RBFOX1: variants seen among roughly 807,000 people sequenced by gnomAD.
The protein encoded by RBFOX1 is RNA binding protein fox-1 homolog 1.
RBFOX1 carries 8 observed loss-of-function variants against 57.7 expected under a neutral mutation model. The ratio of observed to expected loss-of-function variants is 0.14; its 90% CI spans 0.08 to 0.25. RBFOX1 has a LOEUF of 0.25. Ranked by LOEUF, RBFOX1 falls within the 10% of genes least tolerant of loss-of-function variation. The probability of loss-of-function intolerance (pLI) is 1.00; values close to 1 mark genes in which losing one functional copy is unlikely to be tolerated. For synonymous variants in RBFOX1, 326 were observed against 222.4 expected (o/e 1.47, Z -4.15); for missense variants, 611 against 548.5 (o/e 1.11, Z -1.14).
chr16:6,102,609 C>T lies in RBFOX1; in HGVS notation c.-127+82617C>T, dbSNP rs2096327165. On this transcript the variant is annotated intron_variant, in intron 1 of 15. Transcript: ENST00000550418. The stretch of plus-strand genomic sequence containing the variant: ...CAGCTCACGCCACGTCTTCCCTCTC[C>T]CTCTCCTTTTATCTACCTCTCATTT... Among the ~76,000 whole-genome samples the T allele has an allele frequency of 1.3e-5, 2 of 152,146 alleles. 1 individual carries two copies. The highest frequency in any genetic ancestry group is 4.1e-4 in the South Asian group (2 of 4,824).
chr16:6,644,199 C>G (rs186202234), intron 2 of RBFOX1, among the ~76,000 whole-genome samples: 1 of 152,152 alleles, frequency 6.6e-6, no homozygotes, highest in East Asian at 1.9e-4. Context: ...TATTCAGTGA[C>G]TTGTCTTAAA....
intron 4 of RBFOX1, among the ~76,000 whole-genome samples, chr16:7,146,275 C>G (rs929092226): frequency 7.9e-5 from 12 of 152,302 alleles, no homozygotes; most frequent in African/African-American, 2.4e-4. Flanking sequence ...TTTCTAGTTT[C>G]TCTGCCACTA....
intron 3 of RBFOX1, among the ~76,000 whole-genome samples, chr16:6,991,845 C>G (rs1465101131): frequency 6.6e-6 from 1 of 152,102 alleles, no homozygotes; most frequent in Non-Finnish European, 1.5e-5. Context: ...CAGCCCACTT[C>G]TGAAATGTTA....
At chr16:7,556,515 G>T (rs148487379) in intron 5 of RBFOX1, among the ~76,000 whole-genome samples, 14 of 152,310 alleles carry the variant, frequency 9.2e-5, no homozygotes, top group African/African-American at 1.2e-4. Context: ...AAGCAACTCA[G>T]TATGAAACTT....
At chr16:6,146,035 G>C (rs1478382479) in intron 1 of RBFOX1, among the ~76,000 whole-genome samples, 2 of 152,182 alleles carry the variant, frequency 1.3e-5, no homozygotes, top group African/African-American at 4.8e-5. Flanking sequence ...TCTAAGGCCA[G>C]AGACAGCGTC....
At chr16:5,607,732 A>C (rs2047636478) in intron 3 of RBFOX1, among the ~76,000 whole-genome samples, 1 of 152,202 alleles carries the variant, frequency 6.6e-6, no homozygotes, top group Non-Finnish European at 1.5e-5. Context: ...ATCTGAGGTC[A>C]CTGCCTTTCC....
At chr16:5,779,680 A>C (rs1161913596) in intron 3 of RBFOX1, among the ~76,000 whole-genome samples, 3 of 152,078 alleles carry the variant, frequency 2.0e-5, no homozygotes, top group Admixed American at 6.6e-5. Flanking sequence ...CAAAGGAGTT[A>C]TTTTTATAGA....
At chr16:7,587,802 A>C (rs2094207756) in intron 7 of RBFOX1, among the ~76,000 whole-genome samples, 2 of 152,180 alleles carry the variant, frequency 1.3e-5, no homozygotes, top group African/African-American at 4.8e-5. Context: ...TTGTTTTTTC[A>C]AGGAAACCAA....
chr16:6,482,749 C>T (rs541126156), intron 2 of RBFOX1, among the ~76,000 whole-genome samples: 1 of 151,952 alleles, frequency 6.6e-6, no homozygotes, highest in South Asian at 2.1e-4. Flanking sequence ...GGGCGGGAGG[C>T]GAGATTGGGG....
At chr16:6,989,792 G>C (rs1417095165) in intron 3 of RBFOX1, among the ~76,000 whole-genome samples, 6 of 152,078 alleles carry the variant, frequency 3.9e-5, no homozygotes, top group Admixed American at 1.3e-4. Flanking sequence ...CTGAGGTCAG[G>C]ATTTCGAAAC....
At chr16:5,407,899 G>A (rs1385045486) in intron 1 of RBFOX1, among the ~76,000 whole-genome samples, 1 of 152,188 alleles carries the variant, frequency 6.6e-6, no homozygotes, top group Non-Finnish European at 1.5e-5. Flanking sequence ...TAAGCAGCTG[G>A]TGATGGGATT....
At chr16:7,287,351 A>G (rs1009555865) in intron 4 of RBFOX1, among the ~76,000 whole-genome samples, 1 of 152,182 alleles carries the variant, frequency 6.6e-6, no homozygotes, top group South Asian at 2.1e-4. Context: ...TTTGGTGACT[A>G]TAATTAGGAT....
Position 6,336,022 on chromosome 16 carries a change from C to A in RBFOX1, c.-64+18965C>A, listed in dbSNP as rs550571267. 1.5e-3 allele frequency among the ~76,000 whole-genome samples: 220 copies of A among 149,424 alleles called. 2 individuals carry two copies. Among genetic ancestry groups the A allele is most frequent in the African/African-American group, 4.9e-3 (199 of 41,022 alleles). Reference sequence around the variant, plus strand: ...TCAAGCCTCCATCTTTGACCTCAGTCTGTGACCTTGGCAGCTTCTTGACTC... The same window carrying A: ...TCAAGCCTCCATCTTTGACCTCAGTATGTGACCTTGGCAGCTTCTTGACTC... On this transcript the variant is annotated intron_variant, in intron 2 of 15. Transcript: ENST00000550418.
At chr16:6,988,704 A>ACT (rs2090828097) in intron 3 of RBFOX1, among the ~76,000 whole-genome samples, 1 of 147,960 alleles carries the variant, frequency 6.8e-6, no homozygotes, top group Non-Finnish European at 1.5e-5. Flanking sequence ...AGCTGGGATT[A>ACT]CAGGTGTGTG....
intron 1 of RBFOX1, among the ~76,000 whole-genome samples, chr16:5,450,402 G>A (rs1026643501): frequency 6.6e-6 from 1 of 152,202 alleles, no homozygotes; most frequent in Non-Finnish European, 1.5e-5. Context: ...CTGGGCACAT[G>A]CAGACCACAG....
At chr16:7,545,280 A>C (rs1284982486) in intron 5 of RBFOX1, among the ~76,000 whole-genome samples, 1 of 151,790 alleles carries the variant, frequency 6.6e-6, no homozygotes, top group African/African-American at 2.4e-5. Context: ...CCTTTGAGAC[A>C]CGAAGCCCAC....
chr16:6,140,806 C>T (rs1045652631), intron 1 of RBFOX1, among the ~76,000 whole-genome samples: 7 of 152,204 alleles, frequency 4.6e-5, no homozygotes, highest in Non-Finnish European at 8.8e-5. Context: ...GCTGTGTTTC[C>T]TTCTCACTTC....
At chr16:7,073,700 T>A (rs11077132) in intron 4 of RBFOX1, among the ~76,000 whole-genome samples, 2 of 150,368 alleles carry the variant, frequency 1.3e-5, no homozygotes, top group African/African-American at 5.0e-5. Flanking sequence ...AAAAAAAATA[T>A]ATACAAAAAA....
intron 5 of RBFOX1, among the ~76,000 whole-genome samples, chr16:7,544,159 G>C (rs939314821): frequency 6.6e-6 from 1 of 152,196 alleles, no homozygotes; most frequent in African/African-American, 2.4e-5. Flanking sequence ...CTAAAGACTG[G>C]GCTTTGAGTT....
Sources: gnomAD v4.1 joint callset for allele counts (sites outside exome capture counted in the v4.1 genomes callset) on GRCh38, gnomAD v4.1.1 for gene constraint, MANE v1.5 for transcripts, NCBI Gene and HGNC (gene_info 2026-07-23, HGNC 2026-07-21) for gene names.